The following TFPI variants were observed in gnomAD, a reference collection of about 807,000 sequenced individuals.
The protein encoded by TFPI is anti-convertin.
TFPI carries 15 observed loss-of-function variants against 34.6 expected under a neutral mutation model. The observed-to-expected ratio is 0.43, with a 90% CI of 0.29 to 0.67. TFPI has a LOEUF of 0.67. Among genes scored for constraint, TFPI ranks in the 30% least tolerant of loss-of-function variants. The pLI, the probability that TFPI is intolerant of heterozygous loss-of-function variation, is 0.15. For synonymous variants in TFPI, 105 were observed against 120.1 expected (o/e 0.87, Z 0.82); for missense variants, 301 against 364.0 (o/e 0.83, Z 1.41).
intron 6 of TFPI, among the ~76,000 whole-genome samples, chr2:187,475,275 A>G (rs1223426057): frequency 6.6e-6 from 1 of 152,198 alleles, no homozygotes; most frequent in African/African-American, 2.4e-5. Context: ...ATGTCCTTCA[A>G]TTAGTTATAA....
At chr2:187,491,556 G>A (rs181608222) in intron 3 of TFPI, among the ~76,000 whole-genome samples, 1 of 152,202 alleles carries the variant, frequency 6.6e-6, no homozygotes, top group Non-Finnish European at 1.5e-5. Context: ...ACTCCATGGA[G>A]TATATGTGTA....
chr2:187,485,065 C>A, intron 4 of TFPI, 78 bp from the exon 5 acceptor site: 1 of 1,132,238 alleles, frequency 8.8e-7, no homozygotes, highest in African/African-American at 1.6e-5. Context: ...TTTATAAATA[C>A]CTGGCTAAGT....
chr2:187,544,300 TAA>T (rs1280443253), intron 1 of TFPI, among the ~76,000 whole-genome samples: 3 of 152,190 alleles, frequency 2.0e-5, no homozygotes, highest in Admixed American at 1.3e-4. Flanking sequence ...TTTTTTACCA[TAA>T]GAGTGAAATT....
chr2:187,469,358 G>T (rs1444014599), intron 6 of TFPI, among the ~76,000 whole-genome samples: 2 of 152,084 alleles, frequency 1.3e-5, no homozygotes, highest in Non-Finnish European at 2.9e-5. Flanking sequence ...AGGTATATAT[G>T]CAGTGATTTT....
rs761313250 is a variant in TFPI at position 187,484,872 on chromosome 2, G to A, written c.474C>T (p.Cys158=). The A allele has an allele frequency of 3.1e-6, 5 of 1,594,736 alleles. No homozygotes were observed. Among genetic ancestry groups the A allele is most frequent in the Non-Finnish European group, 4.3e-6 (5 of 1,172,796 alleles). ...TCTCAAAATTGTTCATATTGCCCAG[G>A]CATCCACCATACTTGAAACGTTCAC... ...KQCERFKYGG[C]LGNMNNFETL... The change falls in exon 5 of 8, where the codon TGC becomes TGT. Residue 158 remains cysteine, a synonymous_variant. Transcript: ENST00000233156.
Position 187,496,948 on chromosome 2 carries a change from A to G in TFPI, c.252T>C (p.Tyr84=), listed in dbSNP as rs10176633. ...IFTRQCEEFI[Y]GGCEGNQNRF... is the part of the protein sequence containing the mutation. ...GATTCTGATTTCCTTCACATCCCCC[A>G]TATATAAATTCTTCGCACTGTCGAG... Residue 84 remains tyrosine (Y), a synonymous_variant, in exon 3 of 8, where the codon TAT becomes TAC. Transcript: ENST00000233156. The G allele has an allele frequency of 6.8e-3, 10,959 of 1,613,284 alleles. 459 individuals carry two copies. In the African/African-American group the frequency reaches 0.1, roughly 15 times the overall value.
chr2:187,504,508 A>C (rs1339054729), intron 1 of TFPI, among the ~76,000 whole-genome samples: 1 of 151,872 alleles, frequency 6.6e-6, no homozygotes, highest in Non-Finnish European at 1.5e-5. Flanking sequence ...ATCAGATTTC[A>C]ATAGGAGAGT....
chr2:187,512,636 T>C (rs1686723682), intron 1 of TFPI, among the ~76,000 whole-genome samples: 1 of 152,046 alleles, frequency 6.6e-6, no homozygotes, highest in African/African-American at 2.4e-5. Flanking sequence ...AAAAGTAAAG[T>C]GTGCTAAAAG....
chr2:187,548,102 G>T (rs1298174546), intron 1 of TFPI, among the ~76,000 whole-genome samples: 1 of 151,986 alleles, frequency 6.6e-6, no homozygotes, highest in African/African-American at 2.4e-5. Context: ...TATACAGAAA[G>T]AAAGATCCAG....
At chr2:187,488,820 G>A (rs143423409) in intron 3 of TFPI, among the ~76,000 whole-genome samples, 1 of 151,300 alleles carries the variant, frequency 6.6e-6, no homozygotes, top group African/African-American at 2.4e-5. Context: ...CCCCTGCTTC[G>A]TTGTCTCAAT....
chr2:187,468,225 C>A (rs1559093222), intron 6 of TFPI, among the ~76,000 whole-genome samples: 15 of 151,594 alleles, frequency 9.9e-5, no homozygotes. Context: ...AAAAACCACT[C>A]TTCAACAATG....
intron 1 of TFPI, chr2:187,547,345 C>G (rs1688917996): frequency 6.6e-6 from 1 of 152,144 alleles, no homozygotes; most frequent in Admixed American, 6.5e-5. Context: ...AAATTTTTAT[C>G]TGTAAGTACA....
At chr2:187,543,170 A>G (rs1688672950) in intron 1 of TFPI, among the ~76,000 whole-genome samples, 1 of 152,224 alleles carries the variant, frequency 6.6e-6, no homozygotes, top group Non-Finnish European at 1.5e-5. Flanking sequence ...CAAATTAGTA[A>G]TATCACACTT....
intron 2 of TFPI, 103 bp from the exon 3 acceptor site, chr2:187,497,181 A>G (rs1685543010): frequency 1.9e-6 from 2 of 1,032,794 alleles, no homozygotes; most frequent in Non-Finnish European, 2.8e-6. Flanking sequence ...GAAAAGTACA[A>G]TAAAACATAC....
At chr2:187,468,075 G>T in intron 6 of TFPI, 143 bp from the exon 7 acceptor site, 2 of 636,526 alleles carry the variant, frequency 3.1e-6, no homozygotes, top group Non-Finnish European at 2.3e-6. Context: ...TAAAATTCGT[G>T]CATTTCAATT....
chr2:187,496,987 G>T lies in TFPI; in HGVS notation c.213C>A (p.Phe71Leu). Residue 71 changes from phenylalanine (F) to leucine (L), a missense_variant, in exon 3 of 8, where the codon TTC (phenylalanine) becomes TTA (leucine). Physicochemically the swap from Phe to Leu is conservative, Grantham distance 22. Transcript: ENST00000233156. ...CGCACTGTCGAGTGAAAATATTGAA[G>T]AAAAATCTTTTCATGATTGCTTTAC... is the stretch of plus-strand genomic sequence containing the variant. The part of the protein sequence containing the change: ...GPCKAIMKRF[F>L]FNIFTRQCEE... 2 of 1,613,264 alleles carry T rather than the reference G, an allele frequency of 1.2e-6. No homozygotes were observed. Among genetic ancestry groups the T allele is most frequent in the Non-Finnish European group, 1.7e-6 (2 of 1,179,532 alleles).
intron 1 of TFPI, among the ~76,000 whole-genome samples, chr2:187,542,085 T>C (rs1015865001): frequency 6.6e-6 from 1 of 152,190 alleles, no homozygotes; most frequent in Admixed American, 6.5e-5. Flanking sequence ...TGCTATTTTA[T>C]AAATCTGTGC....
At chr2:187,509,826 T>C (rs189644781) in intron 1 of TFPI, among the ~76,000 whole-genome samples, 78 of 152,290 alleles carry the variant, frequency 5.1e-4, no homozygotes, top group Middle Eastern at 3.4e-3. Context: ...TTGTCAGATA[T>C]AAAAAGAGTT....
At chr2:187,541,723 G>A (rs1201054618) in intron 1 of TFPI, among the ~76,000 whole-genome samples, 1 of 152,152 alleles carries the variant, frequency 6.6e-6, no homozygotes, top group Non-Finnish European at 1.5e-5. Flanking sequence ...TCCTCATAGT[G>A]ACTATGAGGT....
Sources: allele counts gnomAD v4.1 joint callset (sites outside exome capture counted in the v4.1 genomes callset), GRCh38; gene constraint gnomAD v4.1.1; transcripts MANE v1.5; gene names NCBI Gene and HGNC (gene_info 2026-07-23, HGNC 2026-07-21).